The following PALM2AKAP2 variants were observed in gnomAD, a reference collection of about 807,000 sequenced individuals.
PALM2AKAP2 encodes PALM2 and AKAP2 fusion.
In PALM2AKAP2, 37 loss-of-function variants were observed where a neutral mutation model predicts 71.5. That is an observed-to-expected ratio of 0.52 (90% CI 0.40 to 0.68). The LOEUF is 0.68. PALM2AKAP2 is among the 30% of genes least tolerant of loss of function. The pLI is 0.00. For missense variants in PALM2AKAP2, 1,224 were observed against 1,191.8 expected, an observed-to-expected ratio of 1.03 and a Z score of -0.40; for synonymous variants, 468 against 478.8, an observed-to-expected ratio of 0.98 and a Z score of 0.29.
intron 1 of PALM2AKAP2, among the ~76,000 whole-genome samples, chr9:109,796,512 A>G (rs1260351072): frequency 6.6e-6 from 1 of 152,184 alleles, no homozygotes; most frequent in Non-Finnish European, 1.5e-5. Flanking sequence ...CCTACTCCTA[A>G]TAAAGTCATG....
chr9:109,930,180 A>G (rs986535993), intron 5 of PALM2AKAP2, among the ~76,000 whole-genome samples: 2 of 151,998 alleles, frequency 1.3e-5, no homozygotes, highest in African/African-American at 4.8e-5. Context: ...CTGCTGTTCT[A>G]ATCTTCCTTT....
intron 7 of PALM2AKAP2, among the ~76,000 whole-genome samples, chr9:110,043,393 G>T (rs1453608157): frequency 6.6e-6 from 1 of 152,112 alleles, no homozygotes; most frequent in Admixed American, 6.6e-5. Flanking sequence ...GAGAGATTTT[G>T]TAAACTTCTG....
At chr9:109,934,079 G>T (rs1420369997) in intron 6 of PALM2AKAP2, among the ~76,000 whole-genome samples, 2 of 152,182 alleles carry the variant, frequency 1.3e-5, no homozygotes, top group Non-Finnish European at 2.9e-5. Context: ...GCGTTTGGAA[G>T]GTTTGGGACT....
intron 5 of PALM2AKAP2, among the ~76,000 whole-genome samples, chr9:109,928,865 C>T (rs912177078): frequency 1.3e-5 from 2 of 152,050 alleles, no homozygotes; most frequent in African/African-American, 4.8e-5. Flanking sequence ...CAGGGTTTCA[C>T]CATGTTGGCC....
At chr9:109,987,021 T>G (rs1377142542) in intron 6 of PALM2AKAP2, among the ~76,000 whole-genome samples, 1 of 152,370 alleles carries the variant, frequency 6.6e-6, no homozygotes, top group East Asian at 1.9e-4. Context: ...AATAATAAAC[T>G]ATTGCCATGA....
At chr9:109,724,120 A>G (rs1828442447) in intron 1 of PALM2AKAP2, among the ~76,000 whole-genome samples, 1 of 152,230 alleles carries the variant, frequency 6.6e-6, no homozygotes, top group South Asian at 2.1e-4. Flanking sequence ...TTATACATAT[A>G]TGTAATGTCC....
At chr9:110,079,761 A>G (rs557525070) in intron 1 of PALM2AKAP2, among the ~76,000 whole-genome samples, 46 of 152,038 alleles carry the variant, frequency 3.0e-4, no homozygotes, top group Non-Finnish European at 5.9e-4. Context: ...TTGCCTACTG[A>G]GAAAATACAG....
upstream of PALM2AKAP2, chr9:110,048,554 A>T: frequency 1.4e-6 from 1 of 706,576 alleles, no homozygotes; most frequent in Non-Finnish European, 2.1e-6. Context: ...GTGTGGGTAG[A>T]TGGGGAGGGG....
intron 1 of PALM2AKAP2, among the ~76,000 whole-genome samples, chr9:109,703,734 A>G (rs1828099155): frequency 2.1e-5 from 3 of 144,726 alleles, no homozygotes; most frequent in Non-Finnish European, 4.7e-5. Flanking sequence ...TTTCATGAAC[A>G]TATATAAACT....
intron 3 of PALM2AKAP2, among the ~76,000 whole-genome samples, chr9:109,888,711 CA>C (rs34495775): frequency 0.011 from 1,051 of 98,810 alleles, 5 homozygotes; most frequent in Middle Eastern, 0.018. Context: ...ATTTTGCCTC[CA>C]AAAAAAAAAA....
intron 1 of PALM2AKAP2, among the ~76,000 whole-genome samples, chr9:110,100,732 T>C (rs1834977732): frequency 6.6e-6 from 1 of 152,236 alleles, no homozygotes; most frequent in South Asian, 2.1e-4. Context: ...CAACTGTCTT[T>C]GTAGAGATCC....
intron 1 of PALM2AKAP2, among the ~76,000 whole-genome samples, chr9:109,753,985 A>G (rs1036829786): frequency 6.6e-6 from 1 of 152,178 alleles, no homozygotes; most frequent in African/African-American, 2.4e-5. Context: ...ACCTTGGCAT[A>G]TGACCTTTCC....
chr9:109,775,069 A>G (rs1197562365), intron 1 of PALM2AKAP2, among the ~76,000 whole-genome samples: 1 of 152,256 alleles, frequency 6.6e-6, no homozygotes, highest in Non-Finnish European at 1.5e-5. Flanking sequence ...GGAAACTGTC[A>G]TTCTAATCTA....
chr9:109,975,224 C>T (rs1041818915), intron 6 of PALM2AKAP2, among the ~76,000 whole-genome samples: 3 of 152,176 alleles, frequency 2.0e-5, no homozygotes, highest in Non-Finnish European at 4.4e-5. Context: ...GCTGGAGGCC[C>T]AGGAAAGCCA....
chr9:109,957,103 G>A lies in PALM2AKAP2; in HGVS notation c.496+25075G>A, dbSNP rs143997127. Reference sequence around the variant, plus strand: ...AAGGATTGAATCGAGTACATCAGTAGCAAACTTAAACTCTCCAGTAAGATC... The same window carrying A: ...AAGGATTGAATCGAGTACATCAGTAACAAACTTAAACTCTCCAGTAAGATC... On this transcript the variant is annotated intron_variant, in intron 6 of 9. Coordinates refer to the PALM2AKAP2 transcript ENST00000302798. Among the ~76,000 whole-genome samples the A allele has an allele frequency of 2.6e-5, 4 of 152,288 alleles. No homozygotes were observed. In the South Asian group the frequency reaches 6.2e-4, roughly 24 times the overall value.
chr9:110,084,744 T>G (rs1834523319), intron 1 of PALM2AKAP2, among the ~76,000 whole-genome samples: 1 of 150,848 alleles, frequency 6.6e-6, no homozygotes, highest in African/African-American at 2.4e-5. Flanking sequence ...TTGTTTTTCT[T>G]TTTTTTTTTG....
intron 1 of PALM2AKAP2, among the ~76,000 whole-genome samples, chr9:109,849,896 T>C (rs1828964677): frequency 6.6e-6 from 1 of 152,220 alleles, no homozygotes; most frequent in Admixed American, 6.5e-5. Flanking sequence ...ACATTAGGCC[T>C]TTATCAGATA....
At chr9:109,660,293 C>T (rs1827371942) in intron 1 of PALM2AKAP2, among the ~76,000 whole-genome samples, 1 of 152,112 alleles carries the variant, frequency 6.6e-6, no homozygotes, top group African/African-American at 2.4e-5. Flanking sequence ...GTTTGCTGCA[C>T]CCATCAACTC....
intron 1 of PALM2AKAP2, among the ~76,000 whole-genome samples, chr9:109,831,141 CTA>C (rs1491253511): frequency 9.0e-6 from 1 of 110,668 alleles, no homozygotes; most frequent in Non-Finnish European, 1.8e-5. Context: ...AATACTTCCC[CTA>C]CACACACACA....
Sources: allele counts gnomAD v4.1 joint callset (sites outside exome capture counted in the v4.1 genomes callset), GRCh38; gene constraint gnomAD v4.1.1; transcripts MANE v1.5; gene names NCBI Gene and HGNC (gene_info 2026-07-23, HGNC 2026-07-21).